Variants in LRRC34 observed in about 807,000 individuals in gnomAD.
LRRC34 encodes the protein leucine-rich repeat-containing protein 34.
In LRRC34, 44 loss-of-function variants were observed where a neutral mutation model predicts 48.5. The ratio of observed to expected loss-of-function variants is 0.91; its 90% confidence interval spans 0.71 to 1.17. The LOEUF (loss-of-function observed/expected upper bound fraction) is 1.17, where lower values mean the gene tolerates loss of function less well. Ranked by LOEUF, LRRC34 falls within the 50% of genes most tolerant of loss-of-function variation. The probability of loss-of-function intolerance (pLI) is 0.00; values close to 1 mark genes in which losing one functional copy is unlikely to be tolerated. For missense variants in LRRC34, 502 were observed against 563.0 expected (o/e 0.89, Z 1.10); for synonymous variants, 192 against 197.6 (o/e 0.97, Z 0.24).
intron 6 of LRRC34, among the ~76,000 whole-genome samples, chr3:169,801,179 A>T (rs954139858): frequency 6.6e-6 from 1 of 152,164 alleles, no homozygotes; most frequent in Non-Finnish European, 1.5e-5. Flanking sequence ...CACAGATCCC[A>T]TAGGCCTCTC....
rs115193046 is a variant in LRRC34 at position 169,798,146 on chromosome 3, C to T, written c.754-1247G>A. Among the ~76,000 whole-genome samples, 848 of 152,302 alleles carry T rather than the reference C, an allele frequency of 5.6e-3. 8 individuals carry two copies. Among genetic ancestry groups the T allele is most frequent in the African/African-American group, 0.019 (808 of 41,560 alleles). On this transcript the variant is annotated intron_variant, in intron 7 of 10. Coordinates refer to ENST00000446859, the MANE Select transcript of LRRC34 (RefSeq NM_001172779.2). ...CAAACCAACCACTTAGGGGGTTCCACTATTGCTCTTCCTAGTGCCAGGCAC... is the reference window on the plus strand; with the variant it reads ...CAAACCAACCACTTAGGGGGTTCCATTATTGCTCTTCCTAGTGCCAGGCAC...
rs1334286008 is a variant in LRRC34, at chr3:169,806,849, T to G, written c.527A>C (p.His176Pro). ...AGTTTGAAATACATAAATGCTTACATGTAGCACTTTAGCAATCAATTCTCC... is the reference window on the plus strand; with the variant it reads ...AGTTTGAAATACATAAATGCTTACAGGTAGCACTTTAGCAATCAATTCTCC... ...EGGELIAKVLHKNRTLKYLRM... is the reference protein window; with the variant it reads ...EGGELIAKVLPKNRTLKYLRM... The change falls in exon 5 of 11, where the codon CAT (histidine) becomes CCT (proline). Residue 176 changes from histidine (H) to proline (P), a missense_variant and splice_region_variant. His to Pro is a moderately conservative substitution (Grantham distance 77). Coordinates refer to ENST00000446859, the MANE Select transcript of LRRC34 (RefSeq NM_001172779.2). The G allele has an allele frequency of 1.3e-6, 2 of 1,581,742 alleles. No individual in the cohort carries two copies. Among genetic ancestry groups the G allele is most frequent in the Admixed American group, 1.7e-5 (1 of 58,838 alleles).
chr3:169,801,201 G>A (rs1253438759), intron 6 of LRRC34, among the ~76,000 whole-genome samples: 1 of 152,098 alleles, frequency 6.6e-6, no homozygotes, highest in African/African-American at 2.4e-5. Context: ...TGCTCTATCT[G>A]ACTGGAAGGG....
At chr3:169,795,763 G>T (rs2108222217) in intron 9 of LRRC34, 152 bp from the exon 10 acceptor site, 1 of 1,342,198 alleles carries the variant, frequency 7.5e-7, no homozygotes, top group Non-Finnish European at 9.6e-7. Flanking sequence ...AAGAAACTTA[G>T]TTTTCTAATT....
rs1779416416 is a variant in LRRC34 at position 169,807,458 on chromosome 3, C to T, written c.412G>A (p.Val138Ile). ...AGTTTCGCAGCATAGTATGCACCAA[C>T]ATCACATAGAAGGTTATATCCAACA... ...LDVGYNLLCD[V>I]GAYYAAKLLQ... The change falls in exon 4 of 11, where the codon GTT becomes ATT. Residue 138 changes from valine (V) to isoleucine (I), a missense_variant. Physicochemically the swap from Val to Ile is conservative, Grantham distance 29. Coordinates refer to ENST00000446859, the MANE Select transcript of LRRC34 (RefSeq NM_001172779.2). 5 of 1,613,812 alleles carry T rather than the reference C, an allele frequency of 3.1e-6. No homozygotes were observed. In the African/African-American group the frequency reaches 4.0e-5, roughly 13 times the overall value.
At chr3:169,805,432 CA>C (rs1779337114) in intron 5 of LRRC34, among the ~76,000 whole-genome samples, 1 of 152,006 alleles carries the variant, frequency 6.6e-6, no homozygotes, top group African/African-American at 2.4e-5. Flanking sequence ...ATAAATTTAA[CA>C]AAAGAAATGT....
chr3:169,793,737 A>G lies in LRRC34; in HGVS notation c.1293T>C (p.Asn431=), dbSNP rs1198086566. Reference sequence around the variant, plus strand: ...TCCAATAATAATGCTTTTTAAGGCCATTGGAGACTTCTGCAAGATATACAC... The same window carrying G: ...TCCAATAATAATGCTTTTTAAGGCCGTTGGAGACTTCTGCAAGATATACAC... ...DGRVYLAEVS[N]GLKKHYYWTS... Residue 431 remains asparagine, a synonymous_variant, in exon 11 of 11, where the codon AAT becomes AAC. Transcript: ENST00000446859. 1 of 1,613,740 alleles carries G rather than the reference A, an allele frequency of 6.2e-7. No homozygotes were observed.
At chr3:169,803,611 T>C (rs987819827) in intron 6 of LRRC34, among the ~76,000 whole-genome samples, 8 of 152,210 alleles carry the variant, frequency 5.3e-5, no homozygotes, top group African/African-American at 1.9e-4. Flanking sequence ...TTTGTATTTT[T>C]AGTAGAGACG....
intron 7 of LRRC34, among the ~76,000 whole-genome samples, chr3:169,800,428 T>C (rs929569579): frequency 6.6e-5 from 10 of 152,252 alleles, no homozygotes; most frequent in Admixed American, 2.6e-4. Flanking sequence ...AGAGAAAAGA[T>C]GACATGTTTG....
chr3:169,804,994 A>G (rs1470181126), intron 5 of LRRC34, among the ~76,000 whole-genome samples: 1 of 152,212 alleles, frequency 6.6e-6, no homozygotes, highest in East Asian at 1.9e-4. Context: ...AATTTGATAA[A>G]TATTTCACAA....
chr3:169,803,592 C>T (rs1031927155), intron 6 of LRRC34, among the ~76,000 whole-genome samples: 2 of 152,064 alleles, frequency 1.3e-5, no homozygotes, highest in African/African-American at 4.8e-5. Context: ...CACCAGGCCC[C>T]GACTAATTTT....
At chr3:169,796,572 A>G (rs1023173601) in intron 8 of LRRC34, 173 bp downstream of exon 8, 6 of 891,810 alleles carry the variant, frequency 6.7e-6, no homozygotes, top group East Asian at 5.6e-5. Context: ...CATTTATGTT[A>G]CTAAAAGATA....
At chr3:169,808,540 G>T in intron 2 of LRRC34, 88 bp downstream of exon 2, 1 of 733,166 alleles carries the variant, frequency 1.4e-6, no homozygotes, top group Admixed American at 2.7e-5. Flanking sequence ...TTTTCAAATG[G>T]CTATAAAATC....
In LRRC34 at chr3:169,812,616, C is replaced by G; in HGVS notation, c.-68G>C. ...CGGCTACACGAGCCTCGGCGCCAGC[C>G]TGCTTCGAGTCCCGCTGGCTGTGCC... On this transcript the variant is annotated 5_prime_UTR_variant, in exon 1 of 11. Coordinates refer to ENST00000446859, the MANE Select transcript of LRRC34 (RefSeq NM_001172779.2). The surrounding 1 kb of genome is among the most constrained non-coding windows in gnomAD (Gnocchi z 4.3). 1.4e-6 allele frequency: 2 copies of G among 1,409,508 alleles called. No homozygotes were observed. The highest frequency in any genetic ancestry group is 6.1e-5 in the Admixed American group (2 of 32,592). 87.3% of individuals were successfully genotyped at this position (1,409,508 alleles called of 1,614,324 possible). A position where few individuals can be genotyped will look rare whatever the true frequency, so the allele number is the denominator to read the frequency against.
intron 2 of LRRC34, 107 bp downstream of exon 2, chr3:169,808,521 T>A: frequency 1.5e-6 from 1 of 657,442 alleles, no homozygotes. Context: ...ATGTTCATTT[T>A]ACCAAGCATT....
At chr3:169,798,898 C>A (rs1442621713) in intron 7 of LRRC34, among the ~76,000 whole-genome samples, 1 of 152,164 alleles carries the variant, frequency 6.6e-6, no homozygotes, top group African/African-American at 2.4e-5. Flanking sequence ...CTCCCTCCAC[C>A]TAGATGGAAA....
At position 169,812,211 on chromosome 3, in the gene LRRC34, G is replaced by A. The variant is rs1031905712; in HGVS notation, c.139+199C>T. Among the ~76,000 whole-genome samples the A allele has an allele frequency of 2.6e-5, 4 of 151,458 alleles. No homozygotes were observed. The highest frequency in any genetic ancestry group is 5.9e-5 in the Non-Finnish European group (4 of 67,786). On this transcript the variant is annotated intron_variant, in intron 1 of 10. Coordinates refer to ENST00000446859, the MANE Select transcript of LRRC34 (RefSeq NM_001172779.2). The surrounding 1 kb of genome is among the most constrained non-coding windows in gnomAD (Gnocchi z 4.3). ...CTCCTCTCCTGCCCCCGGTCGCAAAGGGCGACCGGGGACTCTTCTCCTGCC... is the reference window on the plus strand; with the variant it reads ...CTCCTCTCCTGCCCCCGGTCGCAAAAGGCGACCGGGGACTCTTCTCCTGCC...
At chr3:169,806,411 T>A (rs1005154239) in intron 5 of LRRC34, among the ~76,000 whole-genome samples, 1 of 152,186 alleles carries the variant, frequency 6.6e-6, no homozygotes, top group Admixed American at 6.5e-5. Flanking sequence ...ATTCTGTTTA[T>A]ATGAAATGTC....
At position 169,812,499 on chromosome 3, in the gene LRRC34, G is replaced by C. The variant is rs1372939593; in HGVS notation, c.50C>G (p.Ser17Cys). The change falls in exon 1 of 11, where the codon TCC becomes TGC. Residue 17 changes from serine to cysteine, a missense_variant. By Grantham distance (112) the Ser-to-Cys change is moderately radical. Coordinates refer to ENST00000446859, the MANE Select transcript of LRRC34 (RefSeq NM_001172779.2). This position sits in a 1 kb window ranked among gnomAD's most constrained non-coding sequence, Gnocchi z 4.3. Reference sequence around the variant, plus strand: ...GGCCGGCGCACGGGCGGCCTCCCGGGAGCTCCCCATGCTCCTCTCACCCAC... The same window carrying C: ...GGCCGGCGCACGGGCGGCCTCCCGGCAGCTCCCCATGCTCCTCTCACCCAC... ...RPVGERSMGS[S>C]REAARAPARS... The C allele has an allele frequency of 6.5e-7, 1 of 1,527,798 alleles. No individual in the cohort carries two copies. The highest frequency in any genetic ancestry group is 1.2e-5 in the South Asian group (1 of 83,334). The allele number at this position is 1,527,798 out of a possible 1,614,324, so 94.6% of individuals were successfully genotyped here.
Sources: allele counts gnomAD v4.1 joint callset (sites outside exome capture counted in the v4.1 genomes callset), GRCh38; gene constraint gnomAD v4.1.1; non-coding constraint Gnocchi (gnomAD v3.1); transcripts MANE v1.5; gene names NCBI Gene and HGNC (gene_info 2026-07-23, HGNC 2026-07-21).